The following DPYD variants were observed in gnomAD, a reference collection of about 807,000 sequenced individuals.
The protein encoded by DPYD is dihydropyrimidine dehydrogenase.
A neutral mutation model predicts 116.2 loss-of-function variants in DPYD; 109 were observed. That is an observed-to-expected ratio of 0.94 (90% CI 0.80 to 1.10). DPYD has a LOEUF of 1.10. Ranked by LOEUF, DPYD falls within the 50% of genes least tolerant of loss-of-function variation. The probability of loss-of-function intolerance (pLI) is 0.00; values close to 1 mark genes in which losing one functional copy is unlikely to be tolerated. For missense variants in DPYD, 1,302 were observed against 1,254.5 expected, an observed-to-expected ratio of 1.04 and a Z score of -0.57; for synonymous variants, 440 against 432.0, an observed-to-expected ratio of 1.02 and a Z score of -0.23.
rs545252796 is a variant in DPYD, at chr1:97,359,094, T to G, written c.2058+14467A>C. 7.2e-5 allele frequency among the ~76,000 whole-genome samples: 11 copies of G among 152,076 alleles called. No homozygotes were observed. In the South Asian group the frequency reaches 2.3e-3, roughly 32 times the overall value. Reference sequence around the variant, plus strand: ...AGATGAGATGAATGGCCACCTAGAATAAACAGTGTGGAGAAAAACTTAAAT... The same window carrying G: ...AGATGAGATGAATGGCCACCTAGAAGAAACAGTGTGGAGAAAAACTTAAAT... On this transcript the variant is annotated intron_variant, in intron 16 of 22. Transcript: ENST00000370192.
Position 97,704,053 on chromosome 1 carries a change from A to G in DPYD, c.484-4506T>C, listed in dbSNP as rs539008992. Among the ~76,000 whole-genome samples, 23 of 152,210 alleles carry G rather than the reference A, an allele frequency of 1.5e-4. No individual in the cohort carries two copies. In the East Asian group the frequency reaches 1.5e-3, roughly 10 times the overall value. Reference sequence around the variant, plus strand: ...CCATCAACCCTAAATTCTGAAATACATAAGTTACACTTTCCAACTTAATAG... The same window carrying G: ...CCATCAACCCTAAATTCTGAAATACGTAAGTTACACTTTCCAACTTAATAG... On this transcript the variant is annotated intron_variant, in intron 5 of 22. Transcript: ENST00000370192.
intron 14 of DPYD, among the ~76,000 whole-genome samples, chr1:97,400,430 C>A (rs1245819961): frequency 6.6e-6 from 1 of 152,074 alleles, no homozygotes; most frequent in Non-Finnish European, 1.5e-5. Flanking sequence ...TGTGTCTCTG[C>A]CAGACTTTGG....
At chr1:97,446,029 T>C (rs1310990363) in intron 14 of DPYD, among the ~76,000 whole-genome samples, 1 of 152,088 alleles carries the variant, frequency 6.6e-6, no homozygotes, top group African/African-American at 2.4e-5. Context: ...ACCCAGCCAA[T>C]TGTCTGATGT....
At chr1:97,464,084 C>G (rs1677168847) in intron 13 of DPYD, among the ~76,000 whole-genome samples, 1 of 151,650 alleles carries the variant, frequency 6.6e-6, no homozygotes, top group Non-Finnish European at 1.5e-5. Flanking sequence ...ACTAAAAATA[C>G]AAAAAATAGC....
intron 3 of DPYD, among the ~76,000 whole-genome samples, chr1:97,792,920 G>A (rs1026006207): frequency 1.3e-5 from 2 of 152,016 alleles, no homozygotes; most frequent in African/African-American, 2.4e-5. Context: ...GACATAACAC[G>A]TAAATATAAT....
intron 14 of DPYD, among the ~76,000 whole-genome samples, chr1:97,439,646 C>A (rs893829432): frequency 6.6e-6 from 1 of 151,830 alleles, no homozygotes; most frequent in Non-Finnish European, 1.5e-5. Flanking sequence ...CAATTTTTTT[C>A]GTCTCCGCAA....
chr1:97,603,950 G>A (rs752060559), intron 8 of DPYD, among the ~76,000 whole-genome samples: 2 of 152,132 alleles, frequency 1.3e-5, no homozygotes, highest in Non-Finnish European at 2.9e-5. Context: ...TAGGGTCATG[G>A]ATTAAAACGG....
intron 19 of DPYD, among the ~76,000 whole-genome samples, chr1:97,206,947 C>G (rs770048992): frequency 1.3e-5 from 2 of 151,492 alleles, no homozygotes; most frequent in Non-Finnish European, 2.9e-5. Context: ...ATAAAACATA[C>G]ATAATTATCT....
intron 11 of DPYD, among the ~76,000 whole-genome samples, chr1:97,555,104 A>G (rs774387348): frequency 6.6e-6 from 1 of 152,138 alleles, no homozygotes; most frequent in Non-Finnish European, 1.5e-5. Context: ...CTGTGACCTT[A>G]GTCTTCAGCT....
At chr1:97,702,055 T>G (rs1661628563) in intron 5 of DPYD, among the ~76,000 whole-genome samples, 1 of 151,782 alleles carries the variant, frequency 6.6e-6, no homozygotes, top group South Asian at 2.1e-4. Context: ...ACAGTACAGA[T>G]TTTCTTAAAT....
At chr1:97,359,724 G>A (rs900092300) in intron 16 of DPYD, among the ~76,000 whole-genome samples, 2 of 152,136 alleles carry the variant, frequency 1.3e-5, no homozygotes, top group African/African-American at 4.8e-5. Context: ...CATAAGTGAA[G>A]GAGAAATAAA....
chr1:97,384,387 T>C (rs1672186007), intron 14 of DPYD, among the ~76,000 whole-genome samples: 1 of 152,084 alleles, frequency 6.6e-6, no homozygotes, highest in Admixed American at 6.6e-5. Flanking sequence ...TTTTTCTTTC[T>C]GGATAGACTA....
At chr1:97,193,388 G>A in intron 19 of DPYD, 140 bp from the exon 20 acceptor site, 1 of 850,154 alleles carries the variant, frequency 1.2e-6, no homozygotes, top group Non-Finnish European at 1.9e-6. Flanking sequence ...GCCGTCTGGA[G>A]ATGGGGGTGG....
chr1:97,569,141 T>A (rs1652725987), intron 11 of DPYD, among the ~76,000 whole-genome samples: 1 of 151,926 alleles, frequency 6.6e-6, no homozygotes, highest in Admixed American at 6.6e-5. Context: ...GCCTTGGTTG[T>A]AAAAATGAAG....
intron 2 of DPYD, among the ~76,000 whole-genome samples, chr1:97,835,125 G>A (rs932776608): frequency 6.6e-6 from 1 of 151,966 alleles, no homozygotes; most frequent in Non-Finnish European, 1.5e-5. Flanking sequence ...TCTTATATGA[G>A]TCACAGTGAA....
intron 8 of DPYD, among the ~76,000 whole-genome samples, chr1:97,671,358 T>A (rs1659850453): frequency 1.3e-5 from 2 of 152,122 alleles, no homozygotes; most frequent in East Asian, 1.9e-4. Context: ...CATTAAAAAT[T>A]AACCAAAAAT....
chr1:97,593,156 C>G lies in DPYD; in HGVS notation c.1128+62G>C, dbSNP rs1654638334. 14 of 1,563,784 alleles carry G rather than the reference C, an allele frequency of 9.0e-6. No individual in the cohort carries two copies. In the South Asian group the frequency reaches 1.3e-4, roughly 15 times the overall value. ...AACATTCTAGCGATTTAAACATTAA[C>G]AGTTTCATCTCCTAAAATCTGTTGG... On this transcript the variant is annotated intron_variant, in intron 10 of 22. Transcript: ENST00000370192.
chr1:97,309,499 G>A (rs1387788231), intron 16 of DPYD, among the ~76,000 whole-genome samples: 1 of 151,800 alleles, frequency 6.6e-6, no homozygotes, highest in Non-Finnish European at 1.5e-5. Context: ...AAGCCCCTAA[G>A]AGAATGAGTG....
chr1:97,094,030 C>T (rs1276916222), intron 21 of DPYD, among the ~76,000 whole-genome samples: 1 of 152,000 alleles, frequency 6.6e-6, no homozygotes. Context: ...ATCTTTTCCT[C>T]TACTCGATTC....
Sources: allele counts gnomAD v4.1 joint callset (sites outside exome capture counted in the v4.1 genomes callset), GRCh38; gene constraint gnomAD v4.1.1; transcripts MANE v1.5; gene names NCBI Gene and HGNC (gene_info 2026-07-23, HGNC 2026-07-21).